The following CDKL5 variants were observed in gnomAD, a reference collection of about 807,000 sequenced individuals.
CDKL5 encodes the protein cyclin-dependent kinase-like 5.
CDKL5 carries 8 observed loss-of-function variants against 61.7 expected under a neutral mutation model. The ratio of observed to expected loss-of-function variants is 0.13; its 90% CI spans 0.08 to 0.23. The LOEUF is 0.23. Ranked by LOEUF, CDKL5 falls within the 10% of genes least tolerant of loss-of-function variation. The pLI is 1.00. For missense variants in CDKL5, 440 were observed against 734.5 expected (o/e 0.60, Z 4.63); for synonymous variants, 275 against 272.3 (o/e 1.01, Z -0.10).
rs1447484493 is a variant in CDKL5 at position 18,636,483 on chromosome X, G to C, written c.*7726G>C. On this transcript the variant is annotated 3_prime_UTR_variant, in exon 18 of 18. Coordinates refer to ENST00000623535, the MANE Select transcript of CDKL5 (RefSeq NM_001323289.2). Reference sequence around the variant, plus strand: ...ACATTAACCTGCCCAAGGTCACCCAGTTTGGAAGTGGCAGGGCCAGGATTT... The same window carrying C: ...ACATTAACCTGCCCAAGGTCACCCACTTTGGAAGTGGCAGGGCCAGGATTT... 1 of 109,482 alleles carries C rather than the reference G, an allele frequency of 9.1e-6. No individual in the cohort carries two copies. Among genetic ancestry groups the C allele is most frequent in the East Asian group, 2.8e-4 (1 of 3,531 alleles). 9.0% of individuals were successfully genotyped at this position (109,482 alleles called of 1,213,427 possible).
At chrX:18,565,590 G>T (rs1325258691) in intron 4 of CDKL5, among the ~76,000 whole-genome samples, 1 of 112,037 alleles carries the variant, frequency 8.9e-6, no homozygotes, top group Admixed American at 9.5e-5. Context: ...CCTAAGTGAT[G>T]TAAGACACCA....
At chrX:18,587,779 A>T (rs776531514) in intron 8 of CDKL5, 175 bp from the exon 9 acceptor site, 1 of 463,267 alleles carries the variant, frequency 2.2e-6, no homozygotes. Context: ...TTATTAGCAT[A>T]GGTTTATTCA....
At chrX:18,648,167 T>C (rs938733802) in intron 20 of CDKL5, among the ~76,000 whole-genome samples, 1 of 111,144 alleles carries the variant, frequency 9.0e-6, no homozygotes, top group Non-Finnish European at 1.9e-5. Context: ...GTGCCTGCAG[T>C]GGCAGGCACA....
intron 1 of CDKL5, among the ~76,000 whole-genome samples, chrX:18,450,475 G>A (rs1044513640): frequency 1.6e-4 from 18 of 112,011 alleles, no homozygotes; most frequent in African/African-American, 5.8e-4. Context: ...ACCCTTGTTC[G>A]ATGAAGGACA....
At chrX:18,617,829 A>G (rs1461085683) in intron 15 of CDKL5, among the ~76,000 whole-genome samples, 7 of 111,471 alleles carry the variant, frequency 6.3e-5, no homozygotes, top group East Asian at 5.6e-4. Flanking sequence ...AAATGTCCCA[A>G]TCATTCCTCT....
chrX:18,652,211 T>C (rs185108984), intron 21 of CDKL5, among the ~76,000 whole-genome samples: 39 of 111,120 alleles, frequency 3.5e-4, no homozygotes, highest in African/African-American at 1.2e-3. Context: ...CATCGCCCCA[T>C]CTTGGGTGGC....
chrX:18,647,295 C>T lies in CDKL5; in HGVS notation c.2797+1205C>T, dbSNP rs1569230207. 3 of 1,208,977 alleles carry T rather than the reference C, an allele frequency of 2.5e-6. No homozygotes were observed. The highest frequency in any genetic ancestry group is 3.4e-6 in the Non-Finnish European group (3 of 894,904). ...AGGTGATCTGGTCCGGTGTGACCTCCCCTGACTCGAAACCCAGAGGCTTGT... is the reference window on the plus strand; with the variant it reads ...AGGTGATCTGGTCCGGTGTGACCTCTCCTGACTCGAAACCCAGAGGCTTGT... On this transcript the variant is annotated intron_variant, in intron 20 of 21. Coordinates refer to the CDKL5 transcript ENST00000379989.
At chrX:18,474,963 G>T (rs768269240) in intron 1 of CDKL5, among the ~76,000 whole-genome samples, 5 of 100,903 alleles carry the variant, frequency 5.0e-5, no homozygotes, top group African/African-American at 7.1e-5. Context: ...TTGTTTTTTG[G>T]TTTTTTTTTT....
Position 18,637,931 on chromosome X carries a change from AC to A in CDKL5, c.*9175del, listed in dbSNP as rs1277966347. ...GGTGTCCGCACAGCCCTTTAGATGC[AC>A]GTAGCCTATTTGATCTTCGTATCAG... On this transcript the variant is annotated 3_prime_UTR_variant, in exon 18 of 18. Coordinates refer to ENST00000623535, the MANE Select transcript of CDKL5 (RefSeq NM_001323289.2). The A allele has an allele frequency of 2.7e-5, 3 of 111,933 alleles. No individual in the cohort carries two copies. Among genetic ancestry groups the A allele is most frequent in the Non-Finnish European group, 5.6e-5 (3 of 53,208 alleles). 9.2% of individuals were successfully genotyped at this position (111,933 alleles called of 1,213,427 possible).
intron 5 of CDKL5, among the ~76,000 whole-genome samples, chrX:18,578,016 C>T (rs1463121204): frequency 1.8e-5 from 2 of 112,178 alleles, no homozygotes; most frequent in African/African-American, 6.5e-5. Context: ...TTTTGCCTAT[C>T]GCTCTTCTGA....
chrX:18,603,657 A>C (rs1926246448), intron 11 of CDKL5, among the ~76,000 whole-genome samples: 1 of 112,338 alleles, frequency 8.9e-6, no homozygotes, highest in Non-Finnish European at 1.9e-5. Context: ...TTTGACAGCA[A>C]GTTAGCTGAG....
At chrX:18,502,707 CTATTGGTTATTTA>C (rs1412744903) in intron 1 of CDKL5, among the ~76,000 whole-genome samples, 1 of 111,855 alleles carries the variant, frequency 8.9e-6, no homozygotes, top group African/African-American at 3.2e-5. Context: ...CACATCTGTT[CTATTGGTTATTTA>C]TCCGTGCCAG....
At chrX:18,617,621 C>T (rs1004633110) in intron 15 of CDKL5, among the ~76,000 whole-genome samples, 2 of 112,290 alleles carry the variant, frequency 1.8e-5, no homozygotes, top group Non-Finnish European at 3.8e-5. Flanking sequence ...TCTCCCTTCC[C>T]TTTCTGTGTT....
chrX:18,648,314 C>T (rs1049402084), intron 20 of CDKL5, among the ~76,000 whole-genome samples: 19 of 110,614 alleles, frequency 1.7e-4, no homozygotes, highest in African/African-American at 4.0e-4. Context: ...CTATGTCAGC[C>T]CACTGCAACC....
intron 8 of CDKL5, among the ~76,000 whole-genome samples, chrX:18,587,415 G>A (rs909394333): frequency 9.0e-6 from 1 of 111,503 alleles, no homozygotes; most frequent in East Asian, 2.8e-4. Flanking sequence ...AAATAATATA[G>A]TAGATCTTAG....
chrX:18,628,091 A>G (rs1927121764), intron 17 of CDKL5, among the ~76,000 whole-genome samples: 1 of 112,002 alleles, frequency 8.9e-6, no homozygotes, highest in Non-Finnish European at 1.9e-5. Context: ...AGATCCCCTG[A>G]TTAGAGATAG....
intron 20 of CDKL5, chrX:18,647,236 G>C: frequency 8.3e-7 from 1 of 1,211,016 alleles, no homozygotes. Flanking sequence ...AGTCCACGAA[G>C]AATACCAGCC....
rs1484178111 is a variant in CDKL5, at chrX:18,587,846, C to T, written c.555-108C>T. 5 of 750,354 alleles carry T rather than the reference C, an allele frequency of 6.7e-6. No individual in the cohort carries two copies. In the Admixed American group the frequency reaches 1.2e-4, roughly 19 times the overall value. 61.8% of individuals were successfully genotyped at this position (750,354 alleles called of 1,213,427 possible). A position where few individuals can be genotyped will look rare whatever the true frequency, so the allele number is the denominator to read the frequency against. On this transcript the variant is annotated intron_variant, in intron 8 of 17. Transcript: ENST00000623535. ...CTTTTCACATGGAACTTTTTAATTT[C>T]ATAAATATACAAGTGTGCTGCACAT...
At chrX:18,562,521 A>T (rs1924837874) in intron 3 of CDKL5, among the ~76,000 whole-genome samples, 1 of 112,438 alleles carries the variant, frequency 8.9e-6, no homozygotes, top group South Asian at 3.6e-4. Flanking sequence ...ATACCAAAAT[A>T]TTAACAAGGG....
Sources: gnomAD v4.1 joint callset for allele counts (sites outside exome capture counted in the v4.1 genomes callset) on GRCh38, gnomAD v4.1.1 for gene constraint, MANE v1.5 for transcripts, NCBI Gene and HGNC (gene_info 2026-07-23, HGNC 2026-07-21) for gene names.